DNAH11: variants seen among roughly 807,000 people sequenced by gnomAD.
The protein encoded by DNAH11 is dynein axonemal heavy chain 11.
In DNAH11, 442 loss-of-function variants were observed where a neutral mutation model predicts 526.0. That is an observed-to-expected ratio of 0.84 (90% CI 0.78 to 0.91). The LOEUF is 0.91. DNAH11 is among the 40% of genes least tolerant of loss of function. The pLI is 0.00. For synonymous variants in DNAH11, 2,461 were observed against 1,935.9 expected (o/e 1.27, Z -7.12); for missense variants, 6,989 against 5,448.7 (o/e 1.28, Z -8.90).
Position 21,750,388 on chromosome 7 carries a change from C to T in DNAH11, c.8940+24C>T, listed in dbSNP as rs1786362879. 13 of 1,581,440 alleles carry T rather than the reference C, an allele frequency of 8.2e-6. No individual in the cohort carries two copies. In the East Asian group the frequency reaches 3.0e-4, roughly 36 times the overall value. ...AAGTAAGAAATACTTGCTTAATTTG[C>T]ATGTTAGTTAAAACCTGCTATTGCA... On this transcript the variant is annotated intron_variant, in intron 54 of 81. Coordinates refer to ENST00000409508, the MANE Select transcript of DNAH11 (RefSeq NM_001277115.2).
chr7:21,873,213 T>A, intron 73 of DNAH11, 61 bp from the exon 74 acceptor site: 1 of 1,328,560 alleles, frequency 7.5e-7, no homozygotes. Context: ...GAAAATGTAA[T>A]CTTATAATTC....
chr7:21,664,760 A>T (rs368810669), intron 30 of DNAH11, among the ~76,000 whole-genome samples: 12 of 152,138 alleles, frequency 7.9e-5, no homozygotes, highest in East Asian at 1.9e-4. Context: ...TGCCTCGGCC[A>T]GTTGTAGATT....
At chr7:21,724,954 A>C (rs12531049) in intron 44 of DNAH11, among the ~76,000 whole-genome samples, 15 of 30,546 alleles carry the variant, frequency 4.9e-4, no homozygotes, top group East Asian at 3.6e-3. Context: ...CATCACTGGG[A>C]CAGGTCATCC....
chr7:21,573,711 A>G (rs1396904077), intron 8 of DNAH11, among the ~76,000 whole-genome samples: 2 of 152,112 alleles, frequency 1.3e-5, no homozygotes, highest in Non-Finnish European at 2.9e-5. Flanking sequence ...TTGCATGTAC[A>G]TATGAATACA....
intron 55 of DNAH11, among the ~76,000 whole-genome samples, chr7:21,767,165 G>C (rs965690084): frequency 2.6e-5 from 4 of 152,120 alleles, no homozygotes; most frequent in South Asian, 2.1e-4. Context: ...TTACAAGAAG[G>C]GTTCAAAATG....
chr7:21,707,226 T>C lies in DNAH11; in HGVS notation c.6547-473T>C, dbSNP rs573375103. On this transcript the variant is annotated intron_variant, in intron 39 of 81. Transcript: ENST00000409508. ...GCATTAGCTGGGCCCTTGTTGGAAC[T>C]GTACATTACTGGCCCCACCTCAGAC... is the stretch of plus-strand genomic sequence containing the variant. 1.6e-3 allele frequency among the ~76,000 whole-genome samples: 246 copies of C among 152,326 alleles called. 1 individual carries two copies. The highest frequency in any genetic ancestry group is 5.6e-3 in the African/African-American group (233 of 41,578).
chr7:21,625,542 A>G lies in DNAH11; in HGVS notation c.4500+5464A>G, dbSNP rs986219784. Reference sequence around the variant, plus strand: ...TCGTTATCATTTTTTCCTACTATTGATTGTGGGCTTAGTTTGTTCTTCTTT... The same window carrying G: ...TCGTTATCATTTTTTCCTACTATTGGTTGTGGGCTTAGTTTGTTCTTCTTT... On this transcript the variant is annotated intron_variant, in intron 25 of 81. Coordinates refer to ENST00000409508, the MANE Select transcript of DNAH11 (RefSeq NM_001277115.2). Among the ~76,000 whole-genome samples, 19 of 151,902 alleles carry G rather than the reference A, an allele frequency of 1.3e-4. No homozygotes were observed. The East Asian group carries it at 3.5e-3, about 28-fold the overall frequency.
chr7:21,789,705 A>G (rs1487381118), intron 61 of DNAH11, among the ~76,000 whole-genome samples: 1 of 151,988 alleles, frequency 6.6e-6, no homozygotes, highest in Non-Finnish European at 1.5e-5. Flanking sequence ...GTTAACCTCT[A>G]TGAGCCTCTG....
At chr7:21,616,418 A>G in intron 22 of DNAH11, 126 bp downstream of exon 22, 1 of 699,746 alleles carries the variant, frequency 1.4e-6, no homozygotes, top group Non-Finnish European at 2.3e-6. Flanking sequence ...GAGTGATAGC[A>G]GACAGTGTTT....
Position 21,894,815 on chromosome 7 carries a change from AAG to A in DNAH11, c.12933+11_12933+12del. On this transcript the variant is annotated intron_variant, in intron 78 of 81. Coordinates refer to ENST00000409508, the MANE Select transcript of DNAH11 (RefSeq NM_001277115.2). Reference sequence around the variant, plus strand: ...GGACCTTAGTTTGAAGGTAAGCTTAAAGTGAGGCTATAGTAGACTTCAGCACA... The same window carrying A: ...GGACCTTAGTTTGAAGGTAAGCTTAATGAGGCTATAGTAGACTTCAGCACA... 6.2e-7 allele frequency: 1 copy of A among 1,609,230 alleles called. No homozygotes were observed. Among genetic ancestry groups the A allele is most frequent in the Non-Finnish European group, 8.5e-7 (1 of 1,176,954 alleles).
At chr7:21,772,466 C>T (rs1000316158) in intron 55 of DNAH11, among the ~76,000 whole-genome samples, 3 of 150,920 alleles carry the variant, frequency 2.0e-5, no homozygotes, top group African/African-American at 4.9e-5. Flanking sequence ...CAAGACAGGA[C>T]AGGAGTAAAT....
chr7:21,790,405 A>G (rs1178589848), intron 61 of DNAH11, among the ~76,000 whole-genome samples: 3 of 152,136 alleles, frequency 2.0e-5, no homozygotes, highest in Admixed American at 1.3e-4. Context: ...AGCCAAGATC[A>G]CACCACTGCA....
At chr7:21,879,155 AAAAT>A (rs956305757) in intron 74 of DNAH11, among the ~76,000 whole-genome samples, 2 of 152,208 alleles carry the variant, frequency 1.3e-5, no homozygotes, top group African/African-American at 4.8e-5. Context: ...TTCTTAAAAA[AAAAT>A]CTCACAGGTC....
At chr7:21,585,537 A>G (rs1411178261) in intron 9 of DNAH11, among the ~76,000 whole-genome samples, 1 of 152,252 alleles carries the variant, frequency 6.6e-6, no homozygotes, top group Non-Finnish European at 1.5e-5. Context: ...ACTCTAATAT[A>G]AAAGTATAGT....
intron 73 of DNAH11, among the ~76,000 whole-genome samples, chr7:21,870,791 G>T (rs984964933): frequency 6.6e-6 from 1 of 152,114 alleles, no homozygotes; most frequent in Non-Finnish European, 1.5e-5. Flanking sequence ...TCAGACCTTT[G>T]ATTTTTGTTG....
chr7:21,553,687 C>G (rs1783107789), intron 2 of DNAH11, among the ~76,000 whole-genome samples: 1 of 152,140 alleles, frequency 6.6e-6, no homozygotes, highest in South Asian at 2.1e-4. Flanking sequence ...GTCTTAGGAG[C>G]TTTTCCATGT....
intron 18 of DNAH11, among the ~76,000 whole-genome samples, chr7:21,604,225 C>G (rs1295711511): frequency 6.6e-6 from 1 of 152,146 alleles, no homozygotes; most frequent in Admixed American, 6.5e-5. Flanking sequence ...GTCATGAGGA[C>G]TCACCACCAG....
chr7:21,749,585 TAC>T, intron 52 of DNAH11, 91 bp from the exon 53 acceptor site: 2 of 1,529,682 alleles, frequency 1.3e-6, no homozygotes, highest in Non-Finnish European at 1.8e-6. Context: ...GCTATGGCGA[TAC>T]AGTTACTGAG....
rs182269863 is a variant in DNAH11, at chr7:21,657,486, C to G, written c.5095-1312C>G. On this transcript the variant is annotated intron_variant, in intron 29 of 81. Transcript: ENST00000409508. The stretch of plus-strand genomic sequence containing the variant: ...GTTAGGTTGCCATTGTTGGCACAGT[C>G]ATCTGTACGTGAGCTGACATATTGA... 3.7e-3 allele frequency among the ~76,000 whole-genome samples: 561 copies of G among 152,250 alleles called. 3 individuals carry two copies. The highest frequency in any genetic ancestry group is 6.2e-3 in the Non-Finnish European group (419 of 68,006).
Sources: gnomAD v4.1 joint callset for allele counts (sites outside exome capture counted in the v4.1 genomes callset) on GRCh38, gnomAD v4.1.1 for gene constraint, MANE v1.5 for transcripts, NCBI Gene and HGNC (gene_info 2026-07-23, HGNC 2026-07-21) for gene names.